LRRC4C: variants seen among roughly 807,000 people sequenced by gnomAD.
LRRC4C encodes the protein leucine rich repeat containing 4C, also known as leucine-rich repeat-containing protein 4C.
LRRC4C carries 5 observed loss-of-function variants against 33.6 expected under a neutral mutation model. That is an observed-to-expected ratio of 0.15 (90% CI 0.08 to 0.31). The LOEUF (loss-of-function observed/expected upper bound fraction) is 0.31, where lower values mean the gene tolerates loss of function less well. Ranked by LOEUF, LRRC4C falls within the 10% of genes least tolerant of loss-of-function variation. The pLI is 1.00. For missense variants in LRRC4C, 560 were observed against 796.7 expected (o/e 0.70, Z 3.58); for synonymous variants, 329 against 302.0 (o/e 1.09, Z -0.93).
At chr11:40,858,107 T>A (rs1009971182) in intron 2 of LRRC4C, among the ~76,000 whole-genome samples, 4 of 151,932 alleles carry the variant, frequency 2.6e-5, no homozygotes, top group Non-Finnish European at 5.9e-5. Context: ...ATAAATTAAA[T>A]TAAAATAAAA....
At chr11:41,284,701 G>T (rs1392907900) in intron 1 of LRRC4C, among the ~76,000 whole-genome samples, 2 of 152,152 alleles carry the variant, frequency 1.3e-5, no homozygotes, top group South Asian at 2.1e-4. Flanking sequence ...ATAAAGAAGA[G>T]AACTTTCAGG....
intron 1 of LRRC4C, among the ~76,000 whole-genome samples, chr11:41,454,830 T>C (rs955494966): frequency 5.9e-5 from 9 of 152,150 alleles, no homozygotes; most frequent in Non-Finnish European, 1.0e-4. Context: ...TATAAAAATA[T>C]AAATACACTG....
At position 41,315,334 on chromosome 11, in the gene LRRC4C, A is replaced by T. The variant is rs1565574441; in HGVS notation, c.-496+144097T>A. Among the ~76,000 whole-genome samples, 5 of 152,338 alleles carry T rather than the reference A, an allele frequency of 3.3e-5. No individual in the cohort carries two copies. In the South Asian group the frequency reaches 1.0e-3, roughly 32 times the overall value. On this transcript the variant is annotated intron_variant, in intron 1 of 6. Transcript: ENST00000528697. ...TTATGTAGGGATGACAATTGTAACC[A>T]ATAGGATATTGCAAAAGTGACTATG...
chr11:40,792,726 T>G (rs1950676483), intron 2 of LRRC4C, among the ~76,000 whole-genome samples: 1 of 152,046 alleles, frequency 6.6e-6, no homozygotes, highest in Non-Finnish European at 1.5e-5. Flanking sequence ...AGCAAAGATT[T>G]GGAACCAACC....
At chr11:40,155,131 A>C (rs1858575582) in intron 5 of LRRC4C, among the ~76,000 whole-genome samples, 1 of 152,180 alleles carries the variant, frequency 6.6e-6, no homozygotes, top group Admixed American at 6.5e-5. Flanking sequence ...AATGAAATCA[A>C]GATGAAAATT....
chr11:40,803,598 T>A (rs1034199508), intron 2 of LRRC4C, among the ~76,000 whole-genome samples: 1 of 152,064 alleles, frequency 6.6e-6, no homozygotes, highest in Non-Finnish European at 1.5e-5. Context: ...TAATATTTAA[T>A]TTTTAATTAA....
intron 2 of LRRC4C, among the ~76,000 whole-genome samples, chr11:40,933,399 A>C (rs997218497): frequency 1.3e-5 from 2 of 152,230 alleles, no homozygotes; most frequent in African/African-American, 4.8e-5. Flanking sequence ...ATTTACAAAC[A>C]TGGACTATTC....
chr11:40,925,159 A>G (rs1387173462), intron 2 of LRRC4C, among the ~76,000 whole-genome samples: 1 of 149,466 alleles, frequency 6.7e-6, no homozygotes, highest in East Asian at 2.0e-4. Context: ...CCTGTGTATC[A>G]TATTTACATC....
chr11:40,907,209 C>T (rs917249927), intron 2 of LRRC4C, among the ~76,000 whole-genome samples: 2 of 152,184 alleles, frequency 1.3e-5, no homozygotes, highest in African/African-American at 4.8e-5. Context: ...TGTAGAATGT[C>T]TTTCTTTTTT....
At chr11:40,635,380 T>C (rs911660008) in intron 3 of LRRC4C, among the ~76,000 whole-genome samples, 2 of 152,154 alleles carry the variant, frequency 1.3e-5, no homozygotes, top group African/African-American at 4.8e-5. Context: ...TCTCAGCCAC[T>C]CTAGAGATCC....
rs542120694 is a variant in LRRC4C at position 40,819,422 on chromosome 11, G to A, written c.-407+114213C>T. ...CTGCTACTTCCCCACTTCCACCACT[G>A]GATGGAGATTCAGCCAGAGCAGAGT... On this transcript the variant is annotated intron_variant, in intron 2 of 6. Transcript: ENST00000528697. Among the ~76,000 whole-genome samples the A allele has an allele frequency of 2.6e-5, 4 of 152,238 alleles. 1 individual carries two copies. The South Asian group carries it at 8.3e-4, about 32-fold the overall frequency.
At chr11:41,268,054 G>T (rs1440437039) in intron 1 of LRRC4C, among the ~76,000 whole-genome samples, 5 of 152,040 alleles carry the variant, frequency 3.3e-5, no homozygotes, top group Non-Finnish European at 5.9e-5. Context: ...CTATACTAAT[G>T]CTGTATACCA....
chr11:40,507,135 A>C (rs1955072131), intron 3 of LRRC4C, among the ~76,000 whole-genome samples: 1 of 152,088 alleles, frequency 6.6e-6, no homozygotes, highest in Admixed American at 6.5e-5. Flanking sequence ...TAACAGAAAA[A>C]CCAAAACCTT....
intron 2 of LRRC4C, among the ~76,000 whole-genome samples, chr11:40,774,051 T>A (rs892379519): frequency 4.6e-5 from 7 of 152,144 alleles, no homozygotes; most frequent in Non-Finnish European, 8.8e-5. Context: ...AATCTGCTTT[T>A]TGTGTCAATT....
intron 1 of LRRC4C, among the ~76,000 whole-genome samples, chr11:41,344,512 G>T (rs544434830): frequency 2.0e-5 from 3 of 152,122 alleles, no homozygotes; most frequent in Non-Finnish European, 4.4e-5. Flanking sequence ...GAGCCACCGC[G>T]CCCGGCCAAA....
At chr11:41,282,294 C>T (rs1949701205) in intron 1 of LRRC4C, among the ~76,000 whole-genome samples, 1 of 152,126 alleles carries the variant, frequency 6.6e-6, no homozygotes, top group Non-Finnish European at 1.5e-5. Flanking sequence ...TTTCCATCTG[C>T]AATCATATGG....
At chr11:40,395,734 C>T (rs1281274657) in intron 3 of LRRC4C, among the ~76,000 whole-genome samples, 1 of 152,102 alleles carries the variant, frequency 6.6e-6, no homozygotes, top group Non-Finnish European at 1.5e-5. Context: ...TGCCTGTAAT[C>T]CCTACACTTT....
At chr11:41,169,621 A>G (rs1192569265) in intron 1 of LRRC4C, among the ~76,000 whole-genome samples, 2 of 152,176 alleles carry the variant, frequency 1.3e-5, no homozygotes, top group Non-Finnish European at 2.9e-5. Context: ...TATAGATAAC[A>G]CTGAAAAAAT....
At chr11:40,383,558 T>C (rs985444411) in intron 3 of LRRC4C, among the ~76,000 whole-genome samples, 5 of 152,158 alleles carry the variant, frequency 3.3e-5, no homozygotes, top group Non-Finnish European at 7.4e-5. Context: ...CTCTAATAGG[T>C]GAGAGGTGAT....
Sources: gnomAD v4.1 joint callset for allele counts (sites outside exome capture counted in the v4.1 genomes callset) on GRCh38, gnomAD v4.1.1 for gene constraint, MANE v1.5 for transcripts, NCBI Gene and HGNC (gene_info 2026-07-23, HGNC 2026-07-21) for gene names.